ZDHHC1: variants seen among roughly 807,000 people sequenced by gnomAD.
The protein encoded by ZDHHC1 is zDHHC palmitoyltransferase 1, also known as palmitoyltransferase ZDHHC1.
A neutral mutation model predicts 46.9 loss-of-function variants in ZDHHC1; 45 were observed. The ratio of observed to expected loss-of-function variants is 0.96; its 90% CI spans 0.76 to 1.23. The LOEUF (loss-of-function observed/expected upper bound fraction) is 1.23. Among genes scored for constraint, ZDHHC1 ranks in the 50% most tolerant of loss-of-function variants. The pLI is 0.00. For missense variants in ZDHHC1, 649 were observed against 670.8 expected, an observed-to-expected ratio of 0.97 and a Z score of 0.36; for synonymous variants, 291 against 286.0, an observed-to-expected ratio of 1.02 and a Z score of -0.18.
In ZDHHC1 at chr16:67,406,550, G is replaced by A. The variant is rs923058341; in HGVS notation, c.10-108C>T. On this transcript the variant is annotated intron_variant, in intron 2 of 11. Transcript: ENST00000565726. The surrounding 1 kb of genome is among the most constrained non-coding windows in gnomAD (Gnocchi z 4.1). The stretch of plus-strand genomic sequence containing the variant: ...AGCACAGGGGGAGTAGGCTGCGACA[G>A]CTACTCTGCTGGGGAAACTGGGGTC... 2.7e-5 allele frequency: 36 copies of A among 1,348,860 alleles called. No individual in the cohort carries two copies. In the African/African-American group the frequency reaches 5.1e-4, roughly 19 times the overall value. 83.6% of individuals were successfully genotyped at this position (1,348,860 alleles called of 1,614,324 possible).
chr16:67,401,026 G>A lies in ZDHHC1; in HGVS notation c.359C>T (p.Pro120Leu), dbSNP rs1259086810. The change falls in exon 4 of 12, where the codon CCC becomes CTC. Residue 120 changes from proline (P) to leucine (L), a missense_variant. Transcript: ENST00000565726. The surrounding 1 kb of genome is among the most constrained non-coding windows in gnomAD (Gnocchi z 4.6). ...TGCGTGCTGGCTTCGGTTGAAGATG[G>A]GCAGGGGCCCCGCATAGCTCTTGTC... ...VRDKSYAGPL[P>L]IFNRSQHAHV... 1.2e-6 allele frequency: 2 copies of A among 1,614,140 alleles called. No homozygotes were observed. The highest frequency in any genetic ancestry group is 1.1e-5 in the South Asian group (1 of 91,074).
intron 4 of ZDHHC1, 45 bp from the exon 5 acceptor site, chr16:67,399,501 G>C (rs749404998): frequency 2.0e-6 from 3 of 1,532,416 alleles, no homozygotes; most frequent in Non-Finnish European, 1.8e-6. Flanking sequence ...CTCATTCCCC[G>C]CTCTGCGGCC....
rs1470369687 is a variant in ZDHHC1, at chr16:67,394,543, A to C, written c.*67T>G. 8.9e-7 allele frequency: 1 copy of C among 1,118,386 alleles called. No homozygotes were observed. Among genetic ancestry groups the C allele is most frequent in the Non-Finnish European group, 1.1e-6 (1 of 915,738 alleles). The allele number at this position is 1,118,386 out of a possible 1,614,324, so 69.3% of individuals were successfully genotyped here. A position where few individuals can be genotyped will look rare whatever the true frequency, so the allele number is the denominator to read the frequency against. On this transcript the variant is annotated 3_prime_UTR_variant, in exon 12 of 12. Transcript: ENST00000565726. ...CCCCTAAAGTGCACTCGGTGCGGCA[A>C]GGATGGGGTGTTGCATAGAGAGTCA...
chr16:67,403,222 G>A (rs1359180586), intron 3 of ZDHHC1, among the ~76,000 whole-genome samples: 1 of 152,136 alleles, frequency 6.6e-6, no homozygotes, highest in Admixed American at 6.5e-5. Context: ...CAAGAATGAG[G>A]GTCTGTGTGG....
intron 1 of ZDHHC1, among the ~76,000 whole-genome samples, chr16:67,410,125 G>A (rs2142259584): frequency 6.6e-6 from 1 of 152,312 alleles, no homozygotes; most frequent in South Asian, 2.1e-4. Flanking sequence ...GCCACATGGA[G>A]GCAAAGCAGG....
Position 67,401,519 on chromosome 16 carries a change from C to T in ZDHHC1, c.253-387G>A, listed in dbSNP as rs1373539743. Among the ~76,000 whole-genome samples, 1 of 152,242 alleles carries T rather than the reference C, an allele frequency of 6.6e-6. No homozygotes were observed. Among genetic ancestry groups the T allele is most frequent in the Non-Finnish European group, 1.5e-5 (1 of 68,046 alleles). On this transcript the variant is annotated intron_variant, in intron 3 of 11. Coordinates refer to ENST00000565726, the MANE Select transcript of ZDHHC1 (RefSeq NM_001323627.2). The surrounding 1 kb of genome is among the most constrained non-coding windows in gnomAD (Gnocchi z 4.6). Reference sequence around the variant, plus strand: ...TGAGACTGAAAGAGATCAACCCCACCTAAGGTCCAAGAACCTGAAGTTTAA... The same window carrying T: ...TGAGACTGAAAGAGATCAACCCCACTTAAGGTCCAAGAACCTGAAGTTTAA...
chr16:67,398,192 C>T lies in ZDHHC1; in HGVS notation c.927+20G>A, dbSNP rs368599121. 5.6e-6 allele frequency: 9 copies of T among 1,609,368 alleles called. No individual in the cohort carries two copies. The highest frequency in any genetic ancestry group is 7.7e-6 in the Non-Finnish European group (9 of 1,175,950). On this transcript the variant is annotated intron_variant, in intron 8 of 11. Transcript: ENST00000565726. ...ACACCCCCCACACCCAGGCCCCCTC[C>T]CACCCTTCATCCTCTATACCTGAAT...
intron 1 of ZDHHC1, among the ~76,000 whole-genome samples, chr16:67,411,784 T>C (rs1291408260): frequency 1.3e-5 from 2 of 151,894 alleles, no homozygotes; most frequent in Non-Finnish European, 2.9e-5. Flanking sequence ...AAAAGCAAGA[T>C]GAAGAACACT....
intron 3 of ZDHHC1, among the ~76,000 whole-genome samples, chr16:67,403,720 T>A (rs1465709224): frequency 6.6e-6 from 1 of 152,108 alleles, no homozygotes; most frequent in Admixed American, 6.5e-5. Context: ...GTTCAAGCGA[T>A]TCTCCAGCCT....
chr16:67,414,568 G>C (rs537175969), intron 1 of ZDHHC1, among the ~76,000 whole-genome samples: 1 of 152,338 alleles, frequency 6.6e-6, no homozygotes, highest in Admixed American at 6.5e-5. Flanking sequence ...GCCAGGCACT[G>C]TTTCAGTGGA....
Position 67,406,212 on chromosome 16 carries a change from G to C in ZDHHC1, c.240C>G (p.Pro80=). The change falls in exon 3 of 12, where the codon CCC becomes CCG. Residue 80 remains proline (P), a synonymous_variant. Transcript: ENST00000565726. The surrounding 1 kb of genome is among the most constrained non-coding windows in gnomAD (Gnocchi z 4.1). The part of the protein sequence containing the change: ...LVPLLPHHWV[P]AGYACMGAIF... ...TTCCCAAGGATACAGCGTAGCCAGC[G>C]GGCACCCAGTGGTGAGGCAGGAGGG... 1 of 1,613,766 alleles carries C rather than the reference G, an allele frequency of 6.2e-7. No individual in the cohort carries two copies. Among genetic ancestry groups the C allele is most frequent in the South Asian group, 1.1e-5 (1 of 90,974 alleles).
chr16:67,415,042 G>A (rs1321576576), intron 1 of ZDHHC1, among the ~76,000 whole-genome samples: 2 of 152,228 alleles, frequency 1.3e-5, no homozygotes, highest in African/African-American at 4.8e-5. Flanking sequence ...GGCTGAGGCA[G>A]GAGAATCGCT....
Position 67,398,267 on chromosome 16 carries a change from G to T in ZDHHC1, c.872C>A (p.Ala291Asp), listed in dbSNP as rs369039181. The T allele has an allele frequency of 5.0e-6, 8 of 1,614,146 alleles. No homozygotes were observed. In the African/African-American group the frequency reaches 9.3e-5, roughly 19 times the overall value. Reference protein sequence around the residue: ...YIVQHRPPQEAKGVHRELESC... With the variant: ...YIVQHRPPQEDKGVHRELESC... ...CTCGAGCTCCCTGTGAACCCCCTTGGCCTCCTGTGGTGGGCGGTGCTGCAC... is the reference window on the plus strand; with the variant it reads ...CTCGAGCTCCCTGTGAACCCCCTTGTCCTCCTGTGGTGGGCGGTGCTGCAC... The change falls in exon 8 of 12, where the codon GCC becomes GAC. Residue 291 changes from alanine (A) to aspartate (D), a missense_variant. By Grantham distance (126) the Ala-to-Asp change is moderately radical (BLOSUM62 -2). Transcript: ENST00000565726.
At chr16:67,402,701 ACTGCAACCT>A (rs1185930009) in intron 3 of ZDHHC1, among the ~76,000 whole-genome samples, 3 of 151,228 alleles carry the variant, frequency 2.0e-5, no homozygotes, top group African/African-American at 7.3e-5. Flanking sequence ...ATCTTGGCTC[ACTGCAACCT>A]CTGCCTCCCA....
intron 3 of ZDHHC1, chr16:67,404,825 A>G (rs994350181): frequency 7.1e-6 from 3 of 424,106 alleles, no homozygotes; most frequent in African/African-American, 2.0e-5. Flanking sequence ...AGGGCTCAAT[A>G]AAGTCTACTG....
At chr16:67,405,565 G>A (rs1349318838) in intron 3 of ZDHHC1, among the ~76,000 whole-genome samples, 3 of 152,202 alleles carry the variant, frequency 2.0e-5, no homozygotes, top group African/African-American at 7.2e-5. Flanking sequence ...CTGCTCCTGG[G>A]GGCTGTGGCC....
chr16:67,398,421 C>T lies in ZDHHC1; in HGVS notation c.815-97G>A, dbSNP rs1597533860. On this transcript the variant is annotated intron_variant, in intron 7 of 11. Transcript: ENST00000565726. The stretch of plus-strand genomic sequence containing the variant: ...CCAGCCCCAGGCTGAAACCAGTGTC[C>T]CCAAATACACGAAGCCATCAGGTGA... 10 of 1,517,292 alleles carry T rather than the reference C, an allele frequency of 6.6e-6. 1 individual carries two copies. In the East Asian group the frequency reaches 1.8e-4, roughly 28 times the overall value. The allele number at this position is 1,517,292 out of a possible 1,614,324, so 94.0% of individuals were successfully genotyped here. A position where few individuals can be genotyped will look rare whatever the true frequency, so the allele number is the denominator to read the frequency against.
chr16:67,413,811 T>G (rs1006014065), intron 1 of ZDHHC1, among the ~76,000 whole-genome samples: 3 of 152,106 alleles, frequency 2.0e-5, no homozygotes, highest in African/African-American at 7.2e-5. Flanking sequence ...TGGACGTGGG[T>G]GCCTGTAATC....
intron 1 of ZDHHC1, among the ~76,000 whole-genome samples, chr16:67,411,603 T>C (rs1193069429): frequency 1.3e-5 from 2 of 152,162 alleles, no homozygotes; most frequent in African/African-American, 2.4e-5. Context: ...ATTTATCTTA[T>C]ACATATACTC....
Sources: allele counts gnomAD v4.1 joint callset (sites outside exome capture counted in the v4.1 genomes callset), GRCh38; gene constraint gnomAD v4.1.1; non-coding constraint Gnocchi (gnomAD v3.1); transcripts MANE v1.5; gene names NCBI Gene and HGNC (gene_info 2026-07-23, HGNC 2026-07-21).